The following SPATA31H1 variants were observed in gnomAD, a reference collection of about 807,000 sequenced individuals.
The protein encoded by SPATA31H1 is SPATA31 subfamily H member 1, also known as spermatogenesis-associated protein 31H1.
the SPATA31H1 span, among the ~76,000 whole-genome samples, chr2:27,556,591 T>C: frequency 2.0e-5 from 3 of 151,702 alleles, no homozygotes; most frequent in Non-Finnish European, 4.4e-5. Flanking sequence ...TCTCCTGTTC[T>C]AGAATTTCCA....
the SPATA31H1 span, among the ~76,000 whole-genome samples, chr2:27,560,889 GT>G: frequency 6.6e-6 from 1 of 152,202 alleles, no homozygotes; most frequent in African/African-American, 2.4e-5. Flanking sequence ...ATATACAAAA[GT>G]TAGTCTGTGG....
chr2:27,582,040 G>A, the SPATA31H1 span: 12 of 1,613,670 alleles, frequency 7.4e-6, no homozygotes, highest in Admixed American at 8.3e-5. Flanking sequence ...AGGAGCCATC[G>A]CAGTCCCTCT....
the SPATA31H1 span, chr2:27,579,337 G>A: frequency 4.3e-6 from 7 of 1,614,212 alleles, 1 homozygote; most frequent in South Asian, 3.3e-5. Context: ...GCAGATACCT[G>A]TCAATCTATT....
the SPATA31H1 span, among the ~76,000 whole-genome samples, chr2:27,563,385 CTTTTTTTT>C: frequency 2.7e-3 from 184 of 68,728 alleles, 1 homozygote; most frequent in Admixed American, 9.1e-3. Flanking sequence ...TCTTCTACTT[CTTTTTTTT>C]TTTTTTTTTT....
chr2:27,582,570 G>C, the SPATA31H1 span: 4 of 1,521,234 alleles, frequency 2.6e-6, no homozygotes, highest in Non-Finnish European at 3.5e-6. Context: ...AGTCTTCATC[G>C]TGCTGCCCTT....
At chr2:27,566,900 C>T in the SPATA31H1 span, 12 of 717,424 alleles carry the variant, frequency 1.7e-5, no homozygotes, top group Non-Finnish European at 2.9e-5. Context: ...GCAATGACTC[C>T]AGTCTGTCTC....
chr2:27,566,439 A>G, the SPATA31H1 span: 1 of 708,146 alleles, frequency 1.4e-6, no homozygotes, highest in Non-Finnish European at 2.6e-6. Flanking sequence ...TTTTAAAAAG[A>G]AGAAAGGAAG....
the SPATA31H1 span, chr2:27,574,471 C>A: frequency 2.5e-6 from 1 of 398,424 alleles, no homozygotes; most frequent in Non-Finnish European, 4.4e-6. Flanking sequence ...GATATAAAAT[C>A]TTCTGATCTG....
At chr2:27,580,166 A>G in the SPATA31H1 span, 30 of 1,614,176 alleles carry the variant, frequency 1.9e-5, no homozygotes, top group South Asian at 3.2e-4. Flanking sequence ...CACCATCACA[A>G]AGGAAAGCTA....
At chr2:27,547,423 C>T in the SPATA31H1 span, among the ~76,000 whole-genome samples, 1 of 151,990 alleles carries the variant, frequency 6.6e-6, no homozygotes, top group East Asian at 1.9e-4. Context: ...GATCTGCTCA[C>T]CTTGGCCTCC....
At chr2:27,539,106 T>TTTTC in the SPATA31H1 span, among the ~76,000 whole-genome samples, 1 of 67,070 alleles carries the variant, frequency 1.5e-5, no homozygotes, top group African/African-American at 5.3e-5. Context: ...ATTTTCTTTT[T>TTTTC]TTTTTTTTTT....
chr2:27,537,565 T>C, the SPATA31H1 span: 1 of 717,310 alleles, frequency 1.4e-6, no homozygotes, highest in Non-Finnish European at 2.6e-6. Context: ...CAAGATAAAC[T>C]CAGAGGTATG....
the SPATA31H1 span, among the ~76,000 whole-genome samples, chr2:27,539,112 T>C: frequency 9.3e-5 from 13 of 140,212 alleles, no homozygotes; most frequent in Admixed American, 2.0e-4. Flanking sequence ...TTTTTTTTTT[T>C]TTTTTTTTTT....
the SPATA31H1 span, chr2:27,578,372 C>T: frequency 1.4e-5 from 23 of 1,613,972 alleles, no homozygotes; most frequent in South Asian, 2.2e-5. Context: ...CCCTTCAAAT[C>T]GTAAAATCTG....
the SPATA31H1 span, among the ~76,000 whole-genome samples, chr2:27,550,807 C>A: frequency 8.6e-5 from 13 of 151,900 alleles, no homozygotes; most frequent in Non-Finnish European, 1.6e-4. Context: ...TGCTGAATTA[C>A]ACTGAGTTTT....
the SPATA31H1 span, among the ~76,000 whole-genome samples, chr2:27,553,468 C>T: frequency 5.3e-5 from 8 of 152,026 alleles, no homozygotes; most frequent in African/African-American, 1.9e-4. Context: ...CTTTAGTGTT[C>T]TCTTTGAATA....
At chr2:27,568,860 G>C in the SPATA31H1 span, 2 of 398,872 alleles carry the variant, frequency 5.0e-6, no homozygotes, top group Non-Finnish European at 8.8e-6. Context: ...GGAAGTAAAA[G>C]CTGCAGAGAT....
the SPATA31H1 span, chr2:27,576,510 G>T: frequency 7.8e-7 from 1 of 1,275,000 alleles, no homozygotes; most frequent in South Asian, 1.5e-5. Context: ...ATCATGCTTT[G>T]GGTCACAATG....
chr2:27,545,286 G>T, the SPATA31H1 span, among the ~76,000 whole-genome samples: 1 of 151,934 alleles, frequency 6.6e-6, no homozygotes, highest in East Asian at 1.9e-4. Context: ...GCCTCCCAAA[G>T]TGCTGGGATT....
Sources: gnomAD v4.1 joint callset for allele counts (sites outside exome capture counted in the v4.1 genomes callset) on GRCh38, gnomAD v4.1.1 for gene constraint, MANE v1.5 for transcripts, NCBI Gene and HGNC (gene_info 2026-07-23, HGNC 2026-07-21) for gene names.